DST: variants seen among roughly 807,000 people sequenced by gnomAD.
DST encodes dystonin.
DST carries 253 observed loss-of-function variants against 875.2 expected under a neutral mutation model. That is an observed-to-expected ratio of 0.29 (90% CI 0.26 to 0.32). The LOEUF (loss-of-function observed/expected upper bound fraction) is 0.32, where lower values mean the gene tolerates loss of function less well. Among genes scored for constraint, DST ranks in the 10% least tolerant of loss-of-function variants. DST has a pLI of 1.00. For missense variants in DST, 8,287 were observed against 9,111.6 expected (o/e 0.91, Z 3.68); for synonymous variants, 3,124 against 3,197.1 (o/e 0.98, Z 0.77).
intron 49 of DST, among the ~76,000 whole-genome samples, chr6:56,580,728 T>C (rs2097962600): frequency 7.6e-6 from 1 of 132,394 alleles, no homozygotes; most frequent in African/African-American, 3.6e-5. Flanking sequence ...ACTTTTTCTT[T>C]TTTTTTTTTT....
chr6:56,649,832 G>C (rs964911785), intron 12 of DST, among the ~76,000 whole-genome samples: 1 of 152,144 alleles, frequency 6.6e-6, no homozygotes, highest in African/African-American at 2.4e-5. Flanking sequence ...AGATTAATTT[G>C]GCAACAGTGT....
At position 56,487,234 on chromosome 6, in the gene DST, C is replaced by A; in HGVS notation, c.20917G>T (p.Asp6973Tyr). ...KSLGAKHSVY[D>Y]TTNRTGRSLK... is the part of the protein sequence containing the mutation. ...GAACGTCCAGTCCTGTTGGTGGTGT[C>A]GTAGACAGAATGCTTGGCTCCGAGT... is the stretch of plus-strand genomic sequence containing the variant. Residue 6973 changes from aspartate to tyrosine, a missense_variant, in exon 87 of 104, where the codon GAC becomes TAC. Asp to Tyr is a radical substitution (Grantham distance 160). Coordinates refer to ENST00000680361, the MANE Select transcript of DST (RefSeq NM_001374736.1). 1 of 1,601,246 alleles carries A rather than the reference C, an allele frequency of 6.2e-7. No homozygotes were observed.
intron 9 of DST, chr6:56,693,456 C>A: frequency 1.1e-6 from 1 of 931,798 alleles, no homozygotes; most frequent in Non-Finnish European, 1.3e-6. Flanking sequence ...AAGGCAAACC[C>A]TTAGCTTCAC....
chr6:56,731,293 C>T (rs1030507089), intron 5 of DST, among the ~76,000 whole-genome samples: 1 of 152,228 alleles, frequency 6.6e-6, no homozygotes, highest in African/African-American at 2.4e-5. Flanking sequence ...GGTCACACCA[C>T]GTTACCCAGA....
Position 56,569,337 on chromosome 6 carries a change from A to AAC in DST, c.13878+518_13878+519insGT, listed in dbSNP as rs1397558081. ...AAGACTCTGTCTCGAAAAAAAAAAAAAACAAAAACACACACACACATCCAC... is the reference window on the plus strand; with the variant it reads ...AAGACTCTGTCTCGAAAAAAAAAAAAACAACAAAAACACACACACACATCCAC... On this transcript the variant is annotated intron_variant, in intron 54 of 103. Coordinates refer to ENST00000680361, the MANE Select transcript of DST (RefSeq NM_001374736.1). Among the ~76,000 whole-genome samples the AAC allele has an allele frequency of 2.1e-5, 3 of 146,268 alleles. 1 individual carries two copies. Among genetic ancestry groups the AAC allele is most frequent in the African/African-American group, 5.5e-5 (2 of 36,410 alleles).
intron 56 of DST, 72 bp downstream of exon 56, chr6:56,562,066 C>T: frequency 4.4e-6 from 4 of 915,700 alleles, no homozygotes; most frequent in Non-Finnish European, 6.6e-6. Context: ...CTACTGTTTG[C>T]CTCTAAGATT....
chr6:56,633,813 G>T (rs1434892015), intron 27 of DST, among the ~76,000 whole-genome samples: 1 of 152,122 alleles, frequency 6.6e-6, no homozygotes, highest in Non-Finnish European at 1.5e-5. Flanking sequence ...ACAATTTTAG[G>T]TTTTAACGAC....
chr6:56,505,341 T>C (rs1050753687), intron 77 of DST, among the ~76,000 whole-genome samples: 2 of 152,146 alleles, frequency 1.3e-5, no homozygotes, highest in African/African-American at 4.8e-5. Context: ...AATGGCTGCA[T>C]GTGGTGGCAT....
rs199720835 is a variant in DST, at chr6:56,927,140, C to CT, written c.217-26520dup. Among the ~76,000 whole-genome samples the CT allele has an allele frequency of 9.9e-3, 1,495 of 151,250 alleles. 10 individuals carry two copies. Among genetic ancestry groups the CT allele is most frequent in the Non-Finnish European group, 0.015 (1,048 of 67,732 alleles). ...AAACTAATGCTGGTAGCCAAAAAAG[C>CT]TTTTTTTTTAACTAGCTCAGCTAAT... On this transcript the variant is annotated intron_variant, in intron 2 of 103. Transcript: ENST00000680361.
chr6:56,706,136 A>G (rs529322589), intron 5 of DST, among the ~76,000 whole-genome samples: 1 of 152,258 alleles, frequency 6.6e-6, no homozygotes, highest in African/African-American at 2.4e-5. Flanking sequence ...CAACGTGGTG[A>G]AACCCCATCT....
In DST at chr6:56,820,804, G is replaced by GA. The variant is rs530901575; in HGVS notation, c.625+30592dup. Among the ~76,000 whole-genome samples, 101 of 145,966 alleles carry GA rather than the reference G, an allele frequency of 6.9e-4. 1 individual carries two copies. Among genetic ancestry groups the GA allele is most frequent in the African/African-American group, 1.9e-3 (75 of 39,940 alleles). Reference sequence around the variant, plus strand: ...TTTTACTTTTAGTTTCTTTTTCACAGAAAAAAAAAAGGATGACAAATCTAA... The same window carrying GA: ...TTTTACTTTTAGTTTCTTTTTCACAGAAAAAAAAAAAGGATGACAAATCTAA... On this transcript the variant is annotated intron_variant, in intron 4 of 103. Coordinates refer to ENST00000680361, the MANE Select transcript of DST (RefSeq NM_001374736.1).
intron 2 of DST, among the ~76,000 whole-genome samples, chr6:56,944,671 C>T (rs1322363251): frequency 2.6e-5 from 4 of 152,174 alleles, no homozygotes; most frequent in South Asian, 4.1e-4. Flanking sequence ...TGACATTATA[C>T]TAAGAATGAA....
intron 9 of DST, among the ~76,000 whole-genome samples, chr6:56,692,080 G>A (rs190800554): frequency 4.6e-5 from 7 of 152,266 alleles, no homozygotes; most frequent in African/African-American, 1.7e-4. Context: ...CACAGGCAAA[G>A]TCAAGAATCA....
rs1375260310 is a variant in DST, at chr6:56,489,494, T to C, written c.20873A>G (p.His6958Arg). The C allele has an allele frequency of 1.9e-6, 3 of 1,612,078 alleles. No individual in the cohort carries two copies. The highest frequency in any genetic ancestry group is 1.7e-5 in the Admixed American group (1 of 59,898). The change falls in exon 86 of 104, where the codon CAT becomes CGT. Residue 6958 changes from histidine to arginine, a missense_variant. Coordinates refer to ENST00000680361, the MANE Select transcript of DST (RefSeq NM_001374736.1). ...TCTTCTTAATTATGGACCCACCTTA[T>C]GTTGTGCAAGTTGTGTTTTTATTTT... ...PDKIKTQLAQHKEFQKSLGAK... is the reference protein window; with the variant it reads ...PDKIKTQLAQRKEFQKSLGAK...
chr6:56,811,626 T>C (rs2099760066), intron 4 of DST, among the ~76,000 whole-genome samples: 1 of 152,182 alleles, frequency 6.6e-6, no homozygotes, highest in Non-Finnish European at 1.5e-5. Context: ...ATGATGAAAC[T>C]GTGTCAGCCT....
intron 3 of DST, among the ~76,000 whole-genome samples, chr6:56,897,722 T>C (rs1792135743): frequency 6.6e-6 from 1 of 152,188 alleles, no homozygotes; most frequent in Non-Finnish European, 1.5e-5. Context: ...GGGAGACTGA[T>C]GGCTGTGATC....
chr6:56,692,336 T>G, intron 9 of DST: 4 of 961,458 alleles, frequency 4.2e-6, no homozygotes, highest in African/African-American at 1.7e-5. Flanking sequence ...CAGTCTGATG[T>G]GAGCACCTGG....
At position 56,678,409 on chromosome 6, in the gene DST, C is replaced by A. The variant is rs370405886; in HGVS notation, c.1048-7602G>T. On this transcript the variant is annotated intron_variant, in intron 9 of 103. Transcript: ENST00000680361. Reference sequence around the variant, plus strand: ...TCAACATCTCACATTCCTTGACATGCCCAATTTTCTTCCTATCTATGAACG... The same window carrying A: ...TCAACATCTCACATTCCTTGACATGACCAATTTTCTTCCTATCTATGAACG... Among the ~76,000 whole-genome samples the A allele has an allele frequency of 1.9e-4, 29 of 152,314 alleles. No individual in the cohort carries two copies. The East Asian group carries it at 3.3e-3, about 17-fold the overall frequency.
chr6:56,489,429 A>G, intron 86 of DST, 61 bp downstream of exon 86: 8 of 1,513,986 alleles, frequency 5.3e-6, no homozygotes, highest in Non-Finnish European at 7.1e-6. Flanking sequence ...TGAAGTAAGG[A>G]TTTTAAAGTG....
Sources: gnomAD v4.1 joint callset for allele counts (sites outside exome capture counted in the v4.1 genomes callset) on GRCh38, gnomAD v4.1.1 for gene constraint, MANE v1.5 for transcripts, NCBI Gene and HGNC (gene_info 2026-07-23, HGNC 2026-07-21) for gene names.